The following RC3H2 variants were observed in gnomAD, a reference collection of about 807,000 sequenced individuals.
The protein encoded by RC3H2 is ring finger and CCCH-type domains 2, also known as roquin-2.
In RC3H2, 31 loss-of-function variants were observed where a neutral mutation model predicts 133.3. The observed-to-expected ratio is 0.23, with a 90% CI of 0.17 to 0.31. The LOEUF (loss-of-function observed/expected upper bound fraction) is 0.31, where lower values mean the gene tolerates loss of function less well. RC3H2 is among the 10% of genes least tolerant of loss of function. RC3H2 has a pLI of 1.00. For missense variants in RC3H2, 1,175 were observed against 1,437.2 expected, an observed-to-expected ratio of 0.82 and a Z score of 2.95; for synonymous variants, 517 against 502.2, an observed-to-expected ratio of 1.03 and a Z score of -0.40.
chr9:122,855,088 G>C (rs1830189789), intron 15 of RC3H2, 96 bp downstream of exon 15: 1 of 968,484 alleles, frequency 1.0e-6, no homozygotes, highest in African/African-American at 1.7e-5. Flanking sequence ...ATTCCAGTCT[G>C]GGCAACAGAG....
intron 9 of RC3H2, among the ~76,000 whole-genome samples, chr9:122,867,458 G>A (rs1588072287): frequency 2.0e-5 from 3 of 149,444 alleles, no homozygotes; most frequent in East Asian, 4.0e-4. Context: ...GAGGGAGGTG[G>A]GGGGGTCAGC....
chr9:122,852,394 C>T (rs1165179822), intron 18 of RC3H2, among the ~76,000 whole-genome samples: 20 of 150,480 alleles, frequency 1.3e-4, no homozygotes, highest in Non-Finnish European at 2.5e-4. Context: ...CCGCCCCGTC[C>T]GGGAGGGAGG....
chr9:122,846,679 A>C lies in RC3H2; in HGVS notation c.*2948T>G, dbSNP rs1829875599. ...TGATTAGACAATAGGTAACATATGC[A>C]GTTTGGTTACCCACATTACACATTT... On this transcript the variant is annotated 3_prime_UTR_variant, in exon 21 of 21. Transcript: ENST00000357244. 6.6e-6 allele frequency: 1 copy of C among 152,214 alleles called. No individual in the cohort carries two copies. The highest frequency in any genetic ancestry group is 1.5e-5 in the Non-Finnish European group (1 of 68,022). 9.4% of individuals were successfully genotyped at this position (152,214 alleles called of 1,614,324 possible).
intron 9 of RC3H2, chr9:122,875,192 A>T (rs2596699): frequency 1 from 1,544,537 of 1,551,082 alleles, 769,265 homozygotes; most frequent in East Asian, 1. Flanking sequence ...TTCTCTAGGC[A>T]CTTCAAGTGG....
At chr9:122,872,841 C>T (rs1343232993) in intron 9 of RC3H2, among the ~76,000 whole-genome samples, 4 of 152,196 alleles carry the variant, frequency 2.6e-5, no homozygotes, top group African/African-American at 9.6e-5. Flanking sequence ...CAGCCTTGGC[C>T]TCCCAAAGTG....
chr9:122,885,784 C>T (rs1440723085), intron 4 of RC3H2, among the ~76,000 whole-genome samples: 1 of 152,192 alleles, frequency 6.6e-6, no homozygotes, highest in Non-Finnish European at 1.5e-5. Flanking sequence ...AACTCATCAC[C>T]ATTAAGCAGT....
At chr9:122,862,554 A>G (rs1219026131) in intron 10 of RC3H2, among the ~76,000 whole-genome samples, 1 of 150,692 alleles carries the variant, frequency 6.6e-6, no homozygotes. Flanking sequence ...TGTTCCAATA[A>G]CAACTGGAAC....
chr9:122,851,050 A>C, intron 20 of RC3H2, 31 bp downstream of exon 20: 1 of 1,612,136 alleles, frequency 6.2e-7, no homozygotes, highest in Non-Finnish European at 8.5e-7. Flanking sequence ...TCCTATGCCC[A>C]CTGTTTATGA....
At chr9:122,904,656 C>T (rs1182964323) in intron 1 of RC3H2, among the ~76,000 whole-genome samples, 1 of 152,158 alleles carries the variant, frequency 6.6e-6, no homozygotes, top group Non-Finnish European at 1.5e-5. Flanking sequence ...ATTGTTTGGC[C>T]GGGGTTCCTA....
At chr9:122,863,070 G>A (rs1830519977) in intron 10 of RC3H2, among the ~76,000 whole-genome samples, 1 of 152,012 alleles carries the variant, frequency 6.6e-6, no homozygotes, top group Admixed American at 6.6e-5. Flanking sequence ...GTACCCATTA[G>A]CATTCATTCC....
At chr9:122,890,045 G>T (rs1485604294) in intron 4 of RC3H2, 3 of 588,876 alleles carry the variant, frequency 5.1e-6, no homozygotes, top group Non-Finnish European at 3.0e-6. Context: ...AGGGGGCTGA[G>T]TCAGGAGAAT....
chr9:122,868,839 ATGTGTGTGTGTGTGTGTGTGTGTGTGTG>A lies in RC3H2; in HGVS notation c.1326-3210_1326-3183del, dbSNP rs36205979. Among the ~76,000 whole-genome samples the A allele has an allele frequency of 2.7e-3, 327 of 118,964 alleles. 7 individuals carry two copies. The highest frequency in any genetic ancestry group is 5.2e-3 in the South Asian group (20 of 3,836). The allele number at this position is 118,964 out of a possible 152,430, so 78.0% of individuals were successfully genotyped here. The stretch of plus-strand genomic sequence containing the variant: ...AATCCTTAACAATATTCCCTCCTAT[ATGTGTGTGTGTGTGTGTGTGTGTGTGTG>A]TGTGTGTGTGTGTGTGTGTGTGTAT... On this transcript the variant is annotated intron_variant, in intron 9 of 20. Transcript: ENST00000357244.
chr9:122,851,949 T>C (rs201701811), intron 18 of RC3H2, among the ~76,000 whole-genome samples: 87 of 116,906 alleles, frequency 7.4e-4, no homozygotes, highest in East Asian at 2.3e-3. Context: ...CGTCTCTGCC[T>C]GGCCGCCCAT....
In RC3H2 at chr9:122,860,112, T is replaced by G; in HGVS notation, c.1654A>C (p.Lys552Gln). ...GCTGCTACATTACTTACAGGAGTCT[T>G]GGGTGGAGAACCAATTTTACTGGAG... Reference protein sequence around the residue: ...VTENKIGSPPKTPVSNVAATS... With the variant: ...VTENKIGSPPQTPVSNVAATS... Residue 552 changes from lysine to glutamine, a missense_variant, in exon 11 of 21, where the codon AAG becomes CAG. Transcript: ENST00000357244. The G allele has an allele frequency of 6.2e-7, 1 of 1,614,050 alleles. No individual in the cohort carries two copies. Among genetic ancestry groups the G allele is most frequent in the Non-Finnish European group, 8.5e-7 (1 of 1,179,932 alleles).
In RC3H2 at chr9:122,865,675, A is replaced by G. The variant is rs767734712; in HGVS notation, c.1326-18T>C. 6.3e-7 allele frequency: 1 copy of G among 1,596,484 alleles called. No individual in the cohort carries two copies. Among genetic ancestry groups the G allele is most frequent in the South Asian group, 1.1e-5 (1 of 90,718 alleles). ...ATCGATACCTGTTTCAAAAACAATC[A>G]ACAGATTGGTGAATATTTCACTAAA... On this transcript the variant is annotated intron_variant, in intron 9 of 20. Transcript: ENST00000357244.
chr9:122,864,765 T>C (rs2596691), intron 10 of RC3H2, among the ~76,000 whole-genome samples: 148,312 of 152,102 alleles, frequency 0.98, 72,432 homozygotes, highest in East Asian at 1. Flanking sequence ...GGACTACATA[T>C]GCCCGCCACC....
chr9:122,871,507 G>C (rs578107202), intron 9 of RC3H2, among the ~76,000 whole-genome samples: 16 of 87,452 alleles, frequency 1.8e-4, no homozygotes, highest in Middle Eastern at 4.8e-3. Context: ...CCGTGTTAGT[G>C]GGGGGGGGGG....
rs189787537 is a variant in RC3H2 at position 122,896,254 on chromosome 9, G to C, written c.231+1025C>G. Among the ~76,000 whole-genome samples the C allele has an allele frequency of 2.6e-5, 4 of 152,092 alleles. No homozygotes were observed. The East Asian group carries it at 5.8e-4, about 22-fold the overall frequency. The stretch of plus-strand genomic sequence containing the variant: ...AAGAAATCATGGAGAATTTATTACT[G>C]ACACATTGGTTTTTGGTTTTCCATA... On this transcript the variant is annotated intron_variant, in intron 2 of 20. Transcript: ENST00000357244.
intron 1 of RC3H2, among the ~76,000 whole-genome samples, chr9:122,898,681 G>C (rs997888708): frequency 2.0e-5 from 3 of 150,930 alleles, no homozygotes; most frequent in African/African-American, 7.3e-5. Flanking sequence ...TGTGGAAGGC[G>C]GAGATTGCAG....
Sources: allele counts gnomAD v4.1 joint callset (sites outside exome capture counted in the v4.1 genomes callset), GRCh38; gene constraint gnomAD v4.1.1; transcripts MANE v1.5; gene names NCBI Gene and HGNC (gene_info 2026-07-23, HGNC 2026-07-21).